Variants in AGRN observed in about 807,000 individuals in gnomAD.
AGRN encodes agrin proteoglycan.
Under a neutral mutation model 211.0 loss-of-function variants are expected in AGRN, and 106 were observed. That is an observed-to-expected ratio of 0.50 (90% CI 0.43 to 0.59). AGRN has a LOEUF of 0.59. Ranked by LOEUF, AGRN falls within the 20% of genes least tolerant of loss-of-function variation. The pLI, the probability that AGRN is intolerant of heterozygous loss-of-function variation, is 0.00. For synonymous variants in AGRN, 1,525 were observed against 1,332.5 expected (o/e 1.14, Z -3.15); for missense variants, 3,040 against 2,982.6 (o/e 1.02, Z -0.45).
Position 1,032,188 on chromosome 1 carries a change from TGG to T in AGRN, c.464-3086_464-3085del, listed in dbSNP as rs1644689418. The stretch of plus-strand genomic sequence containing the variant: ...CAGCTGCTCTGGATGGGACGTGGCT[TGG>T]GGTGGGTGAGAACCCTTGGCTGAGT... On this transcript the variant is annotated intron_variant, in intron 2 of 35. Coordinates refer to ENST00000379370, the MANE Select transcript of AGRN (RefSeq NM_198576.4). The surrounding 1 kb of genome is among the most constrained non-coding windows in gnomAD (Gnocchi z 4.7). 6.6e-6 allele frequency among the ~76,000 whole-genome samples: 1 copy of T among 151,990 alleles called. No individual in the cohort carries two copies. Among genetic ancestry groups the T allele is most frequent in the South Asian group, 2.1e-4 (1 of 4,818 alleles).
chr1:1,048,143 A>G lies in AGRN; in HGVS notation c.3883A>G (p.Ser1295Gly). Residue 1295 changes from serine (S) to glycine (G), a missense_variant, in exon 23 of 36, where the codon AGC (serine) becomes GGC (glycine). By Grantham distance (56) the Ser-to-Gly change is moderately conservative (BLOSUM62 0). Coordinates refer to ENST00000379370, the MANE Select transcript of AGRN (RefSeq NM_198576.4). This position sits in a 1 kb window ranked among gnomAD's most constrained non-coding sequence, Gnocchi z 5.9. ...TCGGGCCCCGCACCCCAGTCACACA[A>G]GCCAGCCCGTTGCCAAGACCACGGC... is the stretch of plus-strand genomic sequence containing the variant. ...TPRAPHPSHT[S>G]QPVAKTTAAP... 2 of 1,576,640 alleles carry G rather than the reference A, an allele frequency of 1.3e-6. No individual in the cohort carries two copies.
Position 1,048,942 on chromosome 1 carries a change from T to C in AGRN, c.4181T>C (p.Leu1394Pro). Residue 1394 changes from leucine to proline, a missense_variant, in exon 24 of 36, where the codon CTG becomes CCG. Leu to Pro is a moderately conservative substitution (Grantham distance 98). This residue lies in a region of AGRN where 1,537 missense variants were observed against 1,505.0 expected (regional missense o/e 1.02). Transcript: ENST00000379370. This position sits in a 1 kb window ranked among gnomAD's most constrained non-coding sequence, Gnocchi z 5.9. Reference protein sequence around the residue: ...AFPTLRAYHTLRLALEFRALE... With the variant: ...AFPTLRAYHTPRLALEFRALE... ...CCCACTCTCCGCGCCTACCACACGC[T>C]GCGCCTGGCACTGGAATTCCGGGCG... The C allele has an allele frequency of 1.9e-6, 3 of 1,566,480 alleles. No individual in the cohort carries two copies. Among genetic ancestry groups the C allele is most frequent in the Non-Finnish European group, 2.6e-6 (3 of 1,157,098 alleles).
intron 2 of AGRN, among the ~76,000 whole-genome samples, chr1:1,023,332 C>G (rs573941936): frequency 8.8e-4 from 134 of 152,292 alleles, no homozygotes; most frequent in Non-Finnish European, 1.6e-3. Flanking sequence ...CTTGCCTTCT[C>G]TGTGCATGCC....
intron 32 of AGRN, 32 bp downstream of exon 32, chr1:1,051,677 C>T (rs568294814): frequency 5.8e-5 from 94 of 1,612,890 alleles, no homozygotes; most frequent in Admixed American, 3.7e-4. Flanking sequence ...GGGCGGAGGC[C>T]GGATGGGCCC....
rs1301140392 is a variant in AGRN, at chr1:1,045,399, C to T, written c.2412C>T (p.Thr804=). 4 of 1,611,134 alleles carry T rather than the reference C, an allele frequency of 2.5e-6. No homozygotes were observed. The highest frequency in any genetic ancestry group is 2.7e-5 in the African/African-American group (2 of 74,938). The change falls in exon 14 of 36, where the codon ACC becomes ACT. Residue 804 remains threonine (T), a synonymous_variant. Transcript: ENST00000379370. ...QCNPHGSYGG[T]CDPATGQCSC... ...ACCCCCATGGCTCTTACGGCGGCAC[C>T]TGTGACCCAGCCACAGGCCAGTGCT...
rs57668569 is a variant in AGRN at position 1,048,767 on chromosome 1, CA to C, written c.4106-78del. The C allele has an allele frequency of 0.038, 39,367 of 1,049,664 alleles. No individual in the cohort carries two copies. The highest frequency in any genetic ancestry group is 0.044 in the Middle Eastern group (137 of 3,118). 65.0% of individuals were successfully genotyped at this position (1,049,664 alleles called of 1,614,324 possible). ...GGGCAAAAAGAGCAAAACTCCGTCT[CA>C]AAAAAAAAAAAAAAAAAAAAAGCAG... On this transcript the variant is annotated intron_variant, in intron 23 of 35. Transcript: ENST00000379370. The surrounding 1 kb of genome is among the most constrained non-coding windows in gnomAD (Gnocchi z 5.9).
Position 1,031,716 on chromosome 1 carries a change from C to T in AGRN, c.464-3561C>T, listed in dbSNP as rs531331561. ...AACTTCCCAGGCAGTGTTTGAGGCC[C>T]CCTCTGCCAGCCCGTACCTGGGGCT... is the stretch of plus-strand genomic sequence containing the variant. On this transcript the variant is annotated intron_variant, in intron 2 of 35. Transcript: ENST00000379370. The surrounding 1 kb of genome is among the most constrained non-coding windows in gnomAD (Gnocchi z 4.8). Among the ~76,000 whole-genome samples the T allele has an allele frequency of 2.4e-4, 36 of 152,330 alleles. No homozygotes were observed. The highest frequency in any genetic ancestry group is 2.1e-4 in the South Asian group (1 of 4,832).
Position 1,045,384 on chromosome 1 carries a change from C to G in AGRN, c.2397C>G (p.Gly799=). 6.2e-7 allele frequency: 1 copy of G among 1,611,976 alleles called. No homozygotes were observed. Among genetic ancestry groups the G allele is most frequent in the Non-Finnish European group, 8.5e-7 (1 of 1,179,920 alleles). The change falls in exon 14 of 36, where the codon GGC becomes GGG. Residue 799 remains glycine (G), a synonymous_variant. Transcript: ENST00000379370. Reference sequence around the variant, plus strand: ...GTGCCTGCCAGTGCAACCCCCATGGCTCTTACGGCGGCACCTGTGACCCAG... The same window carrying G: ...GTGCCTGCCAGTGCAACCCCCATGGGTCTTACGGCGGCACCTGTGACCCAG... ...CPSACQCNPH[G]SYGGTCDPAT...
At chr1:1,049,128 G>A (rs1203534579) in intron 24 of AGRN, 69 bp downstream of exon 24, 17 of 677,262 alleles carry the variant, frequency 2.5e-5, no homozygotes, top group Non-Finnish European at 3.5e-5. Context: ...GGGAGGGGGG[G>A]CCGGGGCAGC....
At chr1:1,052,607 T>G (rs1645334308) in intron 33 of AGRN, 1 of 187,284 alleles carries the variant, frequency 5.3e-6, no homozygotes. Flanking sequence ...CATGGGTCCA[T>G]GTATGTGTGT....
At position 1,049,660 on chromosome 1, in the gene AGRN, G is replaced by A. The variant is rs1209382652; in HGVS notation, c.4609G>A (p.Gly1537Arg). Residue 1537 changes from glycine to arginine, a missense_variant, in exon 26 of 36, where the codon GGG becomes AGG. By Grantham distance (125) the Gly-to-Arg change is moderately radical (BLOSUM62 -2). Coordinates refer to ENST00000379370, the MANE Select transcript of AGRN (RefSeq NM_198576.4). ...NQRLELGIGP[G>R]AATRGSGVGE... ...GCGCCTGGAGCTTGGCATTGGGCCG[G>A]GGGCTGCCACCCGAGGCTCTGGCGT... 6.3e-7 allele frequency: 1 copy of A among 1,580,978 alleles called. No homozygotes were observed. The highest frequency in any genetic ancestry group is 1.8e-5 in the Admixed American group (1 of 54,392).
intron 3 of AGRN, among the ~76,000 whole-genome samples, chr1:1,040,377 G>A (rs902171675): frequency 6.6e-6 from 1 of 152,224 alleles, no homozygotes; most frequent in African/African-American, 2.4e-5. Context: ...ACAGAGTCGG[G>A]TGCCGCCTGC....
intron 2 of AGRN, among the ~76,000 whole-genome samples, chr1:1,028,381 C>T (rs569613980): frequency 1.3e-4 from 20 of 151,836 alleles, no homozygotes; most frequent in African/African-American, 2.2e-4. Flanking sequence ...GACCACTCCA[C>T]GCCAGCTGTT....
In AGRN at chr1:1,044,184, G is replaced by A. The variant is rs947676013; in HGVS notation, c.2075G>A (p.Gly692Asp). 9 of 1,613,254 alleles carry A rather than the reference G, an allele frequency of 5.6e-6. No individual in the cohort carries two copies. The highest frequency in any genetic ancestry group is 7.6e-6 in the Non-Finnish European group (9 of 1,179,930). Residue 692 changes from glycine to aspartate, a missense_variant, in exon 11 of 36, where the codon GGC (glycine) becomes GAC (aspartate). Physicochemically the swap from Gly to Asp is moderately conservative, Grantham distance 94. Around this residue, in one of 3 missense-constraint regions of AGRN, gnomAD observed 1,498 missense variants for 1,457.8 expected, o/e 1.03. Transcript: ENST00000379370. The part of the protein sequence containing the change: ...CEQELCRQRG[G>D]IWDEDSEDGP... Reference sequence around the variant, plus strand: ...CAGGAGCTGTGCCGGCAGCGCGGTGGCATCTGGGACGAGGACTCGGAGGAC... The same window carrying A: ...CAGGAGCTGTGCCGGCAGCGCGGTGACATCTGGGACGAGGACTCGGAGGAC...
chr1:1,042,269 GGA>G, intron 7 of AGRN, 107 bp downstream of exon 7: 1 of 1,341,622 alleles, frequency 7.5e-7, no homozygotes, highest in Non-Finnish European at 1.0e-6. Context: ...TGGGGTCCTG[GGA>G]GTGGGCCGGT....
At chr1:1,047,029 G>A in intron 19 of AGRN, 72 bp downstream of exon 19, 2 of 1,545,080 alleles carry the variant, frequency 1.3e-6, no homozygotes, top group Non-Finnish European at 1.7e-6. Context: ...CCCTCGCCTG[G>A]GCAGCAGGTC....
chr1:1,034,207 T>C, intron 2 of AGRN: 1 of 985,304 alleles, frequency 1.0e-6, no homozygotes, highest in Non-Finnish European at 1.2e-6. Flanking sequence ...CTCTCCGGCC[T>C]GCGCGGCTCC....
chr1:1,041,227 G>C lies in AGRN; in HGVS notation c.782G>C (p.Arg261Pro), dbSNP rs1644925887. The change falls in exon 5 of 36, where the codon CGC (arginine) becomes CCC (proline). Residue 261 changes from arginine (R) to proline (P), a missense_variant. Physicochemically the swap from Arg to Pro is moderately radical, Grantham distance 103 (BLOSUM62 -2). This residue lies in a region of AGRN where 1,498 missense variants were observed against 1,457.8 expected (regional missense o/e 1.03). Coordinates refer to ENST00000379370, the MANE Select transcript of AGRN (RefSeq NM_198576.4). ...VTCSFGSTCA[R>P]SADGLTASCL... ...TGCAGCTTCGGCAGCACCTGTGCGC[G>C]CTCGGCCGACGGGCTGACGGCCTCG... The C allele has an allele frequency of 6.7e-7, 1 of 1,481,714 alleles. No homozygotes were observed. The highest frequency in any genetic ancestry group is 8.9e-7 in the Non-Finnish European group (1 of 1,122,420). The allele number at this position is 1,481,714 out of a possible 1,614,324, so 91.8% of individuals were successfully genotyped here.
chr1:1,020,353 C>T lies in AGRN; in HGVS notation c.181C>T (p.Gln61Ter). ...VEEILNVDPV[Q>*]HTYSCKVRVW... The stretch of plus-strand genomic sequence containing the variant: ...GGAGATCCTCAACGTGGACCCGGTG[C>T]AGCACACGTACTCCTGCAAGGTGCG... The change falls in exon 1 of 36, where the codon CAG becomes TAG. Residue 61 changes from glutamine to a stop codon, truncating the protein, a stop_gained. Coordinates refer to ENST00000379370, the MANE Select transcript of AGRN (RefSeq NM_198576.4). LOFTEE classifies it high-confidence loss of function. The T allele has an allele frequency of 6.7e-7, 1 of 1,496,582 alleles. No individual in the cohort carries two copies. The highest frequency in any genetic ancestry group is 8.9e-7 in the Non-Finnish European group (1 of 1,121,654). 92.7% of individuals were successfully genotyped at this position (1,496,582 alleles called of 1,614,324 possible). A position where few individuals can be genotyped will look rare whatever the true frequency, so the allele number is the denominator to read the frequency against.
Sources: gnomAD v4.1 joint callset for allele counts (sites outside exome capture counted in the v4.1 genomes callset) on GRCh38, gnomAD v4.1.1 for gene constraint, gnomAD v4.1.1 regional missense constraint, Gnocchi (gnomAD v3.1) non-coding constraint, MANE v1.5 for transcripts, NCBI Gene and HGNC (gene_info 2026-07-23, HGNC 2026-07-21) for gene names.